PAICS: variants seen among roughly 807,000 people sequenced by gnomAD.
PAICS encodes bifunctional phosphoribosylaminoimidazole carboxylase/phosphoribosylaminoimidazole succinocarboxamide synthetase.
Under a neutral mutation model 53.7 loss-of-function variants are expected in PAICS, and 33 were observed. The ratio of observed to expected loss-of-function variants is 0.61; its 90% CI spans 0.47 to 0.82. The LOEUF (loss-of-function observed/expected upper bound fraction) is 0.82, where lower values mean the gene tolerates loss of function less well. PAICS is among the 40% of genes least tolerant of loss of function. PAICS has a pLI of 0.00. For missense variants in PAICS, 394 were observed against 494.1 expected, an observed-to-expected ratio of 0.80 and a Z score of 1.92; for synonymous variants, 141 against 167.2, an observed-to-expected ratio of 0.84 and a Z score of 1.21.
At chr4:56,442,104 T>C (rs1232406264) in intron 2 of PAICS, 5 of 407,672 alleles carry the variant, frequency 1.2e-5, no homozygotes, top group Non-Finnish European at 1.8e-5. Context: ...GCACATGCAC[T>C]CTCTGTGCAG....
intron 1 of PAICS, among the ~76,000 whole-genome samples, chr4:56,439,173 G>T (rs1718204826): frequency 6.6e-6 from 1 of 152,080 alleles, no homozygotes; most frequent in Admixed American, 6.6e-5. Flanking sequence ...AACTTTGCCC[G>T]GGCTTACTGC....
At chr4:56,442,351 A>C (rs938050532) in intron 2 of PAICS, among the ~76,000 whole-genome samples, 1 of 152,194 alleles carries the variant, frequency 6.6e-6, no homozygotes, top group Non-Finnish European at 1.5e-5. Context: ...TCCCCAAGTG[A>C]GATATTTGAA....
intron 1 of PAICS, 150 bp downstream of exon 1, chr4:56,436,478 C>T (rs1031627110): frequency 4.1e-6 from 3 of 733,410 alleles, no homozygotes; most frequent in South Asian, 1.5e-5. Context: ...CAGGCGCTCC[C>T]GGGCCTCCCC....
intron 7 of PAICS, among the ~76,000 whole-genome samples, chr4:56,452,562 T>C (rs544037832): frequency 6.6e-6 from 1 of 152,258 alleles, no homozygotes; most frequent in African/African-American, 2.4e-5. Context: ...TAATTAAAAA[T>C]GCAAGTATGA....
chr4:56,410,907 A>T, the PAICS span: 7 of 465,660 alleles, frequency 1.5e-5, no homozygotes, highest in East Asian at 2.7e-4. Flanking sequence ...GGTAAAAAAA[A>T]AAAAAAAAAA....
rs368868338 is a variant in PAICS at position 56,446,366 on chromosome 4, A to G, written c.215-329A>G. 2.0e-5 allele frequency: 14 copies of G among 717,850 alleles called. No homozygotes were observed. In the African/African-American group the frequency reaches 2.4e-4, roughly 13 times the overall value. The allele number at this position is 717,850 out of a possible 1,614,324, so 44.5% of individuals were successfully genotyped here. On this transcript the variant is annotated intron_variant, in intron 2 of 8. Coordinates refer to ENST00000512576, the MANE Select transcript of PAICS (RefSeq NM_001079524.2). ...AATTTGCCTATTCTAGTTACCTCAT[A>G]TAAGTCAAATCGTAAGTATTTGTTC...
At chr4:56,448,896 G>A in intron 5 of PAICS, 73 bp downstream of exon 5, 1 of 775,806 alleles carries the variant, frequency 1.3e-6, no homozygotes. Flanking sequence ...GAGATGAGGG[G>A]AAAAAGCAAA....
At chr4:56,418,070 C>T in the PAICS span, among the ~76,000 whole-genome samples, 3 of 152,070 alleles carry the variant, frequency 2.0e-5, no homozygotes, top group Non-Finnish European at 4.4e-5. Context: ...ATCTCCTGAC[C>T]TCGTGATCCT....
At chr4:56,436,592 C>G (rs1560655176) in intron 1 of PAICS, 7 of 693,488 alleles carry the variant, frequency 1.0e-5, no homozygotes, top group African/African-American at 8.8e-5. Flanking sequence ...TAATCAATAG[C>G]TATTGCAAAA....
the PAICS span, among the ~76,000 whole-genome samples, chr4:56,424,532 G>A: frequency 2.0e-5 from 3 of 151,602 alleles, no homozygotes; most frequent in African/African-American, 7.3e-5. Flanking sequence ...AATCAATCAC[G>A]GAGAAGAATC....
At chr4:56,416,266 G>A in the PAICS span, 12 of 158,200 alleles carry the variant, frequency 7.6e-5, no homozygotes, top group African/African-American at 2.9e-4. Flanking sequence ...TCACAAATCT[G>A]TTTTCAAGAA....
At chr4:56,427,928 A>C in the PAICS span, among the ~76,000 whole-genome samples, 1 of 152,216 alleles carries the variant, frequency 6.6e-6, no homozygotes, top group African/African-American at 2.4e-5. Context: ...AATACAGTAG[A>C]GAAAGAAGGA....
chr4:56,452,908 G>A (rs979068112), intron 7 of PAICS, among the ~76,000 whole-genome samples: 3 of 152,198 alleles, frequency 2.0e-5, no homozygotes, highest in African/African-American at 7.2e-5. Flanking sequence ...TGCTATGGAA[G>A]TGTAGTTACT....
intron 8 of PAICS, among the ~76,000 whole-genome samples, chr4:56,457,193 G>A (rs1302579546): frequency 6.6e-6 from 1 of 152,180 alleles, no homozygotes; most frequent in Admixed American, 6.5e-5. Context: ...TTGGGAGGCA[G>A]AGATTGGTGG....
At chr4:56,436,177 G>T (rs1278298335), upstream of PAICS, 1 of 1,505,340 alleles carries the variant, frequency 6.6e-7, no homozygotes, top group Non-Finnish European at 8.9e-7. Context: ...CGGCTGTAGC[G>T]GAGCTCGAAA....
the PAICS span, among the ~76,000 whole-genome samples, chr4:56,411,377 C>G: frequency 6.6e-6 from 1 of 152,330 alleles, no homozygotes; most frequent in Non-Finnish European, 1.5e-5. Context: ...CTGTTCTACA[C>G]TATTTCATTA....
rs1185900447 is a variant in PAICS at position 56,459,513 on chromosome 4, A to G, written c.1253A>G (p.Lys418Arg). 1.3e-6 allele frequency: 2 copies of G among 1,565,048 alleles called. No homozygotes were observed. The highest frequency in any genetic ancestry group is 1.7e-6 in the Non-Finnish European group (2 of 1,146,698). The part of the protein sequence containing the change: ...NTWISLKQAD[K>R]KIRECNL ...TGGATTTCCTTGAAGCAGGCTGACAAGAAAATCAGAGAATGTAATTTATAA... is the reference window on the plus strand; with the variant it reads ...TGGATTTCCTTGAAGCAGGCTGACAGGAAAATCAGAGAATGTAATTTATAA... The change falls in exon 9 of 9, where the codon AAG becomes AGG. Residue 418 changes from lysine to arginine, a missense_variant. Physicochemically the swap from Lys to Arg is conservative, Grantham distance 26 (BLOSUM62 2). Transcript: ENST00000512576.
chr4:56,432,306 T>C (rs938982615), upstream of PAICS, among the ~76,000 whole-genome samples: 20 of 152,114 alleles, frequency 1.3e-4, no homozygotes, highest in African/African-American at 4.8e-4. Context: ...AGAGGGTGGA[T>C]CACTTGAGGC....
At chr4:56,414,848 T>A in the PAICS span, among the ~76,000 whole-genome samples, 4 of 152,348 alleles carry the variant, frequency 2.6e-5, no homozygotes, top group South Asian at 8.3e-4. Flanking sequence ...TTATTTTCCC[T>A]GTTTTCAACC....
Sources: allele counts gnomAD v4.1 joint callset (sites outside exome capture counted in the v4.1 genomes callset), GRCh38; gene constraint gnomAD v4.1.1; transcripts MANE v1.5; gene names NCBI Gene and HGNC (gene_info 2026-07-23, HGNC 2026-07-21).